SMARCA2: variants seen among roughly 807,000 people sequenced by gnomAD.
SMARCA2 encodes the protein SWI/SNF related BAF chromatin remodeling complex subunit ATPase 2, also known as SWI/SNF-related matrix-associated actin-dependent regulator of chromatin subfamily A member 2.
Under a neutral mutation model 199.8 loss-of-function variants are expected in SMARCA2, and 61 were observed. That is an observed-to-expected ratio of 0.31 (90% CI 0.25 to 0.38). The LOEUF (loss-of-function observed/expected upper bound fraction) is 0.38, where lower values mean the gene tolerates loss of function less well. Among genes scored for constraint, SMARCA2 ranks in the 10% least tolerant of loss-of-function variants. The pLI, the probability that SMARCA2 is intolerant of heterozygous loss-of-function variation, is 1.00. For missense variants in SMARCA2, 1,344 were observed against 2,012.2 expected (o/e 0.67, Z 6.35); for synonymous variants, 935 against 732.0 (o/e 1.28, Z -4.48).
In SMARCA2 at chr9:2,094,628, A is replaced by G. The variant is rs1822194622; in HGVS notation, c.2884-2029A>G. 4.6e-5 allele frequency among the ~76,000 whole-genome samples: 7 copies of G among 152,200 alleles called. 1 individual carries two copies. The South Asian group carries it at 1.4e-3, about 32-fold the overall frequency. On this transcript the variant is annotated intron_variant, in intron 19 of 33. Transcript: ENST00000349721. ...CGTGGAGCTTAAAAGAGTGGATTCT[A>G]TTTCAAATCCTAACTGTGCCATTCA...
chr9:2,087,686 A>G (rs559634852), intron 18 of SMARCA2, among the ~76,000 whole-genome samples: 3 of 152,300 alleles, frequency 2.0e-5, no homozygotes, highest in East Asian at 1.9e-4. Context: ...AAGGTAGACA[A>G]TGGGCCATTG....
chr9:2,074,372 T>C (rs1055284113), intron 12 of SMARCA2, among the ~76,000 whole-genome samples: 1 of 152,200 alleles, frequency 6.6e-6, no homozygotes, highest in Admixed American at 6.5e-5. Flanking sequence ...AGATCTGATA[T>C]TTTTGAGAGT....
At chr9:2,176,382 A>AAGT (rs1357684379) in intron 29 of SMARCA2, among the ~76,000 whole-genome samples, 2 of 152,050 alleles carry the variant, frequency 1.3e-5, no homozygotes, top group East Asian at 3.8e-4. Context: ...AGATTACCAA[A>AAGT]AGTAAAATCA....
intron 22 of SMARCA2, among the ~76,000 whole-genome samples, chr9:2,103,331 A>T (rs1269888079): frequency 6.6e-6 from 1 of 152,208 alleles, no homozygotes; most frequent in African/African-American, 2.4e-5. Context: ...TTATTTGTAA[A>T]AACAGACAGC....
chr9:2,159,798 T>C, intron 27 of SMARCA2: 1 of 1,605,874 alleles, frequency 6.2e-7, no homozygotes, highest in Non-Finnish European at 8.5e-7. Flanking sequence ...CCAGCTCTCT[T>C]TTTTTTCCTG....
chr9:2,129,852 C>T (rs536262465), intron 27 of SMARCA2, among the ~76,000 whole-genome samples: 1 of 152,200 alleles, frequency 6.6e-6, no homozygotes, highest in African/African-American at 2.4e-5. Context: ...AGGACAAAGA[C>T]CAGACAAATT....
At chr9:2,031,723 T>C (rs1019631327) in intron 2 of SMARCA2, among the ~76,000 whole-genome samples, 41 of 152,364 alleles carry the variant, frequency 2.7e-4, no homozygotes, top group African/African-American at 9.4e-4. Context: ...ATCCTGCTTC[T>C]CCTTGGCCCC....
chr9:2,144,739 G>T (rs1035920249), intron 27 of SMARCA2, among the ~76,000 whole-genome samples: 1 of 152,160 alleles, frequency 6.6e-6, no homozygotes, highest in Admixed American at 6.6e-5. Flanking sequence ...CTCCAGGGGG[G>T]CAGTAGTGAA....
At chr9:2,182,722 T>G (rs1827138458) in intron 31 of SMARCA2, among the ~76,000 whole-genome samples, 1 of 151,994 alleles carries the variant, frequency 6.6e-6, no homozygotes, top group Non-Finnish European at 1.5e-5. Context: ...CTTGAACTCC[T>G]GACCTCAGGT....
intron 19 of SMARCA2, among the ~76,000 whole-genome samples, chr9:2,090,332 T>C (rs1821998050): frequency 6.6e-6 from 1 of 152,208 alleles, no homozygotes. Context: ...ACTCAGTGTG[T>C]GGTATTATCT....
intron 28 of SMARCA2, among the ~76,000 whole-genome samples, chr9:2,165,335 A>AT (rs1825883075): frequency 6.6e-6 from 1 of 152,192 alleles, no homozygotes; most frequent in Admixed American, 6.5e-5. Context: ...GTATCTTGAT[A>AT]TTTTCATAAA....
At chr9:2,153,024 G>C (rs967657633) in intron 27 of SMARCA2, among the ~76,000 whole-genome samples, 17 of 152,026 alleles carry the variant, frequency 1.1e-4, no homozygotes, top group African/African-American at 2.7e-4. Context: ...AAACGATGAA[G>C]ATGACCCAGA....
Position 2,016,462 on chromosome 9 carries a change from C to A in SMARCA2, c.-37+1058C>A, listed in dbSNP as rs977671090. The A allele has an allele frequency of 1.3e-5, 2 of 152,450 alleles. No individual in the cohort carries two copies. Among genetic ancestry groups the A allele is most frequent in the African/African-American group, 2.4e-5 (1 of 41,452 alleles). The allele number at this position is 152,450 out of a possible 1,614,324, so 9.4% of individuals were successfully genotyped here. A position where few individuals can be genotyped will look rare whatever the true frequency, so the allele number is the denominator to read the frequency against. On this transcript the variant is annotated intron_variant, in intron 1 of 33. Coordinates refer to ENST00000349721, the MANE Select transcript of SMARCA2 (RefSeq NM_003070.5). The surrounding 1 kb of genome is among the most constrained non-coding windows in gnomAD (Gnocchi z 5.6). ...TTGCTTCGCGTCTTCCCCTTGCTTGCGCCGCGGGAGCTGCGGGCGTGGGGC... is the reference window on the plus strand; with the variant it reads ...TTGCTTCGCGTCTTCCCCTTGCTTGAGCCGCGGGAGCTGCGGGCGTGGGGC...
chr9:2,129,555 CT>C (rs1176859380), intron 27 of SMARCA2, among the ~76,000 whole-genome samples: 3 of 152,200 alleles, frequency 2.0e-5, no homozygotes, highest in African/African-American at 7.2e-5. Context: ...CCAGGGAGTG[CT>C]ACTGGGCCTT....
At chr9:2,033,981 T>C (rs892037047) in intron 3 of SMARCA2, among the ~76,000 whole-genome samples, 2 of 152,188 alleles carry the variant, frequency 1.3e-5, no homozygotes, top group Admixed American at 1.3e-4. Flanking sequence ...GCCTGGTGGC[T>C]GAAGCCTGTA....
intron 29 of SMARCA2, among the ~76,000 whole-genome samples, chr9:2,171,451 T>C (rs1282981382): frequency 6.6e-6 from 1 of 152,178 alleles, no homozygotes; most frequent in East Asian, 1.9e-4. Flanking sequence ...TAAAAACTAG[T>C]GGTGATTTAT....
rs376274037 is a variant in SMARCA2 at position 2,181,559 on chromosome 9, C to T, written c.4254-12C>T. Reference sequence around the variant, plus strand: ...ATGTGGCTTGTTTTTGTTTGTTTCACCCATCCTACAGTTCAGGGCGACAGC... The same window carrying T: ...ATGTGGCTTGTTTTTGTTTGTTTCATCCATCCTACAGTTCAGGGCGACAGC... On this transcript the variant is annotated splice_polypyrimidine_tract_variant and intron_variant, in intron 29 of 33. Transcript: ENST00000349721. 1.4e-6 allele frequency: 2 copies of T among 1,399,184 alleles called. No homozygotes were observed. Among genetic ancestry groups the T allele is most frequent in the Non-Finnish European group, 2.0e-6 (2 of 984,812 alleles). The allele number at this position is 1,399,184 out of a possible 1,614,324, so 86.7% of individuals were successfully genotyped here.
chr9:2,048,817 C>G (rs983094318), intron 5 of SMARCA2, among the ~76,000 whole-genome samples: 1 of 152,180 alleles, frequency 6.6e-6, no homozygotes, highest in Non-Finnish European at 1.5e-5. Flanking sequence ...TAGGCAGATT[C>G]TGCTGGGTGA....
chr9:2,053,810 C>T (rs1207923012), intron 5 of SMARCA2, among the ~76,000 whole-genome samples: 1 of 152,106 alleles, frequency 6.6e-6, no homozygotes, highest in Admixed American at 6.5e-5. Context: ...GTAATAGTAT[C>T]CCAAGTGAAT....
Sources: gnomAD v4.1 joint callset for allele counts (sites outside exome capture counted in the v4.1 genomes callset) on GRCh38, gnomAD v4.1.1 for gene constraint, Gnocchi (gnomAD v3.1) non-coding constraint, MANE v1.5 for transcripts, NCBI Gene and HGNC (gene_info 2026-07-23, HGNC 2026-07-21) for gene names.